Variants in WDR6 observed in about 807,000 individuals in gnomAD.
WDR6 encodes the protein WD repeat domain 6, also known as tRNA (34-2'-O)-methyltransferase regulator WDR6.
Under a neutral mutation model 85.6 loss-of-function variants are expected in WDR6, and 58 were observed. The observed-to-expected ratio is 0.68, with a 90% CI of 0.55 to 0.84. The LOEUF is 0.84. WDR6 is among the 40% of genes least tolerant of loss of function. The pLI is 0.00. For missense variants in WDR6, 1,310 were observed against 1,476.4 expected (o/e 0.89, Z 1.85); for synonymous variants, 569 against 582.2 (o/e 0.98, Z 0.33).
Position 49,012,039 on chromosome 3 carries a change from G to A in WDR6, c.505G>A (p.Ala169Thr), listed in dbSNP as rs767447146. 2.5e-6 allele frequency: 4 copies of A among 1,614,020 alleles called. No homozygotes were observed. The highest frequency in any genetic ancestry group is 2.2e-5 in the East Asian group (1 of 44,886). The change falls in exon 2 of 6, where the codon GCC (alanine) becomes ACC (threonine). Residue 169 changes from alanine (A) to threonine (T), a missense_variant. Physicochemically the swap from Ala to Thr is moderately conservative, Grantham distance 58. Coordinates refer to ENST00000608424, the MANE Select transcript of WDR6 (RefSeq NM_018031.6). This position sits in a 1 kb window ranked among gnomAD's most constrained non-coding sequence, Gnocchi z 4.4. ...CTCTTCAGCCTGCCTGATTGGAGAC[G>A]CCTGGAAGGAGCTGACCATAGTGGC... Reference protein sequence around the residue: ...TLSSACLIGDAWKELTIVAGA... With the variant: ...TLSSACLIGDTWKELTIVAGA...
Position 49,014,481 on chromosome 3 carries a change from A to G in WDR6, c.2765A>G (p.Glu922Gly). 6.2e-7 allele frequency: 1 copy of G among 1,614,030 alleles called. No homozygotes were observed. The highest frequency in any genetic ancestry group is 8.5e-7 in the Non-Finnish European group (1 of 1,179,994). Residue 922 changes from glutamate to glycine, a missense_variant, in exon 4 of 6, where the codon GAG becomes GGG. Glu to Gly is a moderately conservative substitution (Grantham distance 98). Coordinates refer to ENST00000608424, the MANE Select transcript of WDR6 (RefSeq NM_018031.6). This position sits in a 1 kb window ranked among gnomAD's most constrained non-coding sequence, Gnocchi z 4.9. ...CVLKVHSFTHEAPNQRRRLLL... is the reference protein window; with the variant it reads ...CVLKVHSFTHGAPNQRRRLLL... The stretch of plus-strand genomic sequence containing the variant: ...CTCAAGGTCCACTCCTTTACACACG[A>G]GGCACCCAACCAGAGGCGGTGAGAG...
intron 1 of WDR6, among the ~76,000 whole-genome samples, chr3:49,008,549 G>C (rs1413265871): frequency 6.6e-6 from 1 of 152,154 alleles, no homozygotes; most frequent in Non-Finnish European, 1.5e-5. Context: ...ACTAGGAAAA[G>C]GGGTGAGTTC....
rs1421355721 is a variant in WDR6 at position 49,012,389 on chromosome 3, T to C, written c.855T>C (p.His285=). 2 of 1,614,084 alleles carry C rather than the reference T, an allele frequency of 1.2e-6. No homozygotes were observed. The change falls in exon 2 of 6, where the codon CAT becomes CAC. Residue 285 remains histidine, a synonymous_variant. Coordinates refer to ENST00000608424, the MANE Select transcript of WDR6 (RefSeq NM_018031.6). This position sits in a 1 kb window ranked among gnomAD's most constrained non-coding sequence, Gnocchi z 4.4. ...GEDCVCLVWS[H]EGEILQAFRG... is the part of the protein sequence containing the mutation. ...ATTGTGTCTGCTTGGTGTGGAGCCA[T>C]GAAGGTGAGATCCTCCAGGCCTTTC...
chr3:49,012,144 C>T lies in WDR6; in HGVS notation c.610C>T (p.Arg204Ter), dbSNP rs541171729. 1.2e-6 allele frequency: 2 copies of T among 1,614,164 alleles called. No individual in the cohort carries two copies. The highest frequency in any genetic ancestry group is 1.7e-5 in the Admixed American group (1 of 60,024). ...CAACAAACCTGTAGCACCTGACCGA[C>T]GAATCAGTGGGCATGTGGGCATCAT... The part of the protein sequence containing the change: ...ADNKPVAPDR[R>*]ISGHVGIIFS... Residue 204 changes from arginine to a stop codon, truncating the protein, a stop_gained, in exon 2 of 6, where the codon CGA (arginine) becomes TGA (stop). Coordinates refer to ENST00000608424, the MANE Select transcript of WDR6 (RefSeq NM_018031.6). LOFTEE classifies it high-confidence loss of function. The surrounding 1 kb of genome is among the most constrained non-coding windows in gnomAD (Gnocchi z 4.4).
In WDR6 at chr3:49,011,972, G is replaced by C. The variant is rs1025693168; in HGVS notation, c.438G>C (p.Gly146=). 6.2e-7 allele frequency: 1 copy of C among 1,614,204 alleles called. No individual in the cohort carries two copies. Among genetic ancestry groups the C allele is most frequent in the Admixed American group, 1.7e-5 (1 of 60,030 alleles). The change falls in exon 2 of 6, where the codon GGG becomes GGC. Residue 146 remains glycine, a synonymous_variant. Coordinates refer to ENST00000608424, the MANE Select transcript of WDR6 (RefSeq NM_018031.6). ...TGGTGCTATATGACCCTGTAGTAGG[G>C]TGCATCCTGCAAGAGGTGCCCTGCA... ...NSVVLYDPVV[G]CILQEVPCTD... is the part of the protein sequence containing the mutation.
In WDR6 at chr3:49,013,746, G is replaced by T. The variant is rs754344808; in HGVS notation, c.2212G>T (p.Asp738Tyr). The stretch of plus-strand genomic sequence containing the variant: ...CCTGGAGCCTGGCAGTGAGGGGCCC[G>T]ACTTGACTGACATTGTGATCACATG... ...DDLEPGSEGPDLTDIVITCSE... is the reference protein window; with the variant it reads ...DDLEPGSEGPYLTDIVITCSE... Residue 738 changes from aspartate (D) to tyrosine (Y), a missense_variant, in exon 2 of 6, where the codon GAC (aspartate) becomes TAC (tyrosine). Transcript: ENST00000608424. The surrounding 1 kb of genome is among the most constrained non-coding windows in gnomAD (Gnocchi z 4.6). 6 of 1,614,070 alleles carry T rather than the reference G, an allele frequency of 3.7e-6. No homozygotes were observed. In the South Asian group the frequency reaches 5.5e-5, roughly 15 times the overall value.
In WDR6 at chr3:49,007,788, A is replaced by G. The variant is rs1281761349; in HGVS notation, c.100+257A>G. The G allele has an allele frequency of 2.0e-6, 2 of 994,544 alleles. No individual in the cohort carries two copies. Among genetic ancestry groups the G allele is most frequent in the African/African-American group, 1.7e-5 (1 of 59,880 alleles). The allele number at this position is 994,544 out of a possible 1,614,324, so 61.6% of individuals were successfully genotyped here. On this transcript the variant is annotated intron_variant, in intron 1 of 5. Coordinates refer to ENST00000608424, the MANE Select transcript of WDR6 (RefSeq NM_018031.6). This position sits in a 1 kb window ranked among gnomAD's most constrained non-coding sequence, Gnocchi z 5.1. ...AGCCCGCGTGGAAAGGGCGGGTGGA[A>G]CCGCGGGAGGGTGCAGGGGAACGCG...
rs1575278840 is a variant in WDR6, at chr3:49,014,146, A to G, written c.2582+30A>G. The G allele has an allele frequency of 6.2e-6, 10 of 1,613,902 alleles. No individual in the cohort carries two copies. In the East Asian group the frequency reaches 2.0e-4, roughly 32 times the overall value. ...TATATGCTCCTGGGCAGGGTGTGGT[A>G]TGGGTCATGCAGATGCTCCCAGGCT... On this transcript the variant is annotated intron_variant, in intron 2 of 5. Coordinates refer to ENST00000608424, the MANE Select transcript of WDR6 (RefSeq NM_018031.6). The surrounding 1 kb of genome is among the most constrained non-coding windows in gnomAD (Gnocchi z 4.9).
Position 49,015,378 on chromosome 3 carries a change from T to C in WDR6, c.*90T>C. 2 of 1,497,958 alleles carry C rather than the reference T, an allele frequency of 1.3e-6. No homozygotes were observed. Among genetic ancestry groups the C allele is most frequent in the Non-Finnish European group, 1.8e-6 (2 of 1,105,674 alleles). The allele number at this position is 1,497,958 out of a possible 1,614,324, so 92.8% of individuals were successfully genotyped here. A position where few individuals can be genotyped will look rare whatever the true frequency, so the allele number is the denominator to read the frequency against. On this transcript the variant is annotated 3_prime_UTR_variant, in exon 6 of 6. Transcript: ENST00000608424. Reference sequence around the variant, plus strand: ...GGGCTGTCTGTGCCCATGCTCAGCATGCCTTGAGGGGAGGAGGTGGTGGCC... The same window carrying C: ...GGGCTGTCTGTGCCCATGCTCAGCACGCCTTGAGGGGAGGAGGTGGTGGCC...
In WDR6 at chr3:49,013,256, A is replaced by G; in HGVS notation, c.1722A>G (p.Ser574=). The G allele has an allele frequency of 6.2e-7, 1 of 1,614,104 alleles. No homozygotes were observed. The highest frequency in any genetic ancestry group is 8.5e-7 in the Non-Finnish European group (1 of 1,180,016). The change falls in exon 2 of 6, where the codon TCA becomes TCG. Residue 574 remains serine, a synonymous_variant. Transcript: ENST00000608424. The surrounding 1 kb of genome is among the most constrained non-coding windows in gnomAD (Gnocchi z 4.6). ...PSLHGKQGVT[S]VTCHGGYVYT... ...TGCACGGGAAGCAGGGTGTGACCTC[A>G]GTCACATGCCATGGTGGCTATGTGT...
At chr3:49,010,865 A>C (rs1447225292) in intron 1 of WDR6, among the ~76,000 whole-genome samples, 1 of 150,536 alleles carries the variant, frequency 6.6e-6, no homozygotes, top group Non-Finnish European at 1.5e-5. Context: ...AAAAAAAAAA[A>C]AACTAGCCAG....
rs1307379097 is a variant in WDR6 at position 49,013,205 on chromosome 3, G to A, written c.1671G>A (p.Leu557=). 3 of 1,613,714 alleles carry A rather than the reference G, an allele frequency of 1.9e-6. No individual in the cohort carries two copies. The South Asian group carries it at 3.3e-5, about 18-fold the overall frequency. Residue 557 remains leucine (L), a synonymous_variant, in exon 2 of 6, where the codon TTG becomes TTA. Transcript: ENST00000608424. This position sits in a 1 kb window ranked among gnomAD's most constrained non-coding sequence, Gnocchi z 4.6. ...SSGGGNAFTG[L]GPVSTLPSLH... ...GGGGTGGGAATGCTTTCACTGGGTT[G>A]GGCCCAGTGTCTACCCTGCCCTCTC... is the stretch of plus-strand genomic sequence containing the variant.
rs2092990280 is a variant in WDR6 at position 49,007,590 on chromosome 3, G to A, written c.100+59G>A. 2.0e-6 allele frequency: 3 copies of A among 1,530,230 alleles called. No homozygotes were observed. The highest frequency in any genetic ancestry group is 2.7e-6 in the Non-Finnish European group (3 of 1,131,828). The allele number at this position is 1,530,230 out of a possible 1,614,324, so 94.8% of individuals were successfully genotyped here. A position where few individuals can be genotyped will look rare whatever the true frequency, so the allele number is the denominator to read the frequency against. On this transcript the variant is annotated intron_variant, in intron 1 of 5. Coordinates refer to ENST00000608424, the MANE Select transcript of WDR6 (RefSeq NM_018031.6). This position sits in a 1 kb window ranked among gnomAD's most constrained non-coding sequence, Gnocchi z 5.1. Reference sequence around the variant, plus strand: ...GGGGGAAAGAAACAGCGCCTCCCAGGGGCGGTGCCACAGGGACAAAAGGGG... The same window carrying A: ...GGGGGAAAGAAACAGCGCCTCCCAGAGGCGGTGCCACAGGGACAAAAGGGG...
chr3:49,007,422 GA>G lies in WDR6; in HGVS notation c.-9del. On this transcript the variant is annotated 5_prime_UTR_variant, in exon 1 of 6. Coordinates refer to ENST00000608424, the MANE Select transcript of WDR6 (RefSeq NM_018031.6). The surrounding 1 kb of genome is among the most constrained non-coding windows in gnomAD (Gnocchi z 5.1). ...TTAGCCGTGGCTGCCTCAGCACCTC[GA>G]GGATCGACATGGACGCTCTCGAGGA... The G allele has an allele frequency of 6.2e-7, 1 of 1,608,714 alleles. No homozygotes were observed. Among genetic ancestry groups the G allele is most frequent in the Non-Finnish European group, 8.5e-7 (1 of 1,178,006 alleles).
At chr3:49,009,893 C>A (rs1385846214) in intron 1 of WDR6, among the ~76,000 whole-genome samples, 2 of 151,860 alleles carry the variant, frequency 1.3e-5, no homozygotes, top group Non-Finnish European at 2.9e-5. Context: ...ATGCCCAGCT[C>A]ATTTGTATAA....
chr3:49,012,889 T>A lies in WDR6; in HGVS notation c.1355T>A (p.Leu452Gln). 6.2e-7 allele frequency: 1 copy of A among 1,613,822 alleles called. No individual in the cohort carries two copies. Among genetic ancestry groups the A allele is most frequent in the Non-Finnish European group, 8.5e-7 (1 of 1,179,902 alleles). Residue 452 changes from leucine to glutamine, a missense_variant, in exon 2 of 6, where the codon CTG becomes CAG. Leu to Gln is a moderately radical substitution (Grantham distance 113). Coordinates refer to ENST00000608424, the MANE Select transcript of WDR6 (RefSeq NM_018031.6). This position sits in a 1 kb window ranked among gnomAD's most constrained non-coding sequence, Gnocchi z 4.4. ...GCCCTGCGTGGTTATGAGGAGCTCC[T>A]GTTGCTGGCATCGGGCCCTGGCGGG... ...SWALRGYEEL[L>Q]LLASGPGGVV... is the part of the protein sequence containing the mutation.
At position 49,011,768 on chromosome 3, in the gene WDR6, T is replaced by A. The variant is rs754284531; in HGVS notation, c.234T>A (p.Leu78=). ...TACGGCCAGAGCCTAATGGAGACCTTGACTTGGAGGCCATGGTGGCTGTGT... is the reference window on the plus strand; with the variant it reads ...TACGGCCAGAGCCTAATGGAGACCTAGACTTGGAGGCCATGGTGGCTGTGT... ...FRVRPEPNGD[L]DLEAMVAVFG... is the part of the protein sequence containing the mutation. The change falls in exon 2 of 6, where the codon CTT becomes CTA. Residue 78 remains leucine, a synonymous_variant. Transcript: ENST00000608424. The A allele has an allele frequency of 1.9e-6, 3 of 1,614,230 alleles. No individual in the cohort carries two copies. The South Asian group carries it at 3.3e-5, about 18-fold the overall frequency.
rs186515100 is a variant in WDR6 at position 49,009,881 on chromosome 3, T to G, written c.101-1754T>G. ...TAGCTGGGACTACAGGCATGCGCCA[T>G]TATGCCCAGCTCATTTGTATAATTT... is the stretch of plus-strand genomic sequence containing the variant. On this transcript the variant is annotated intron_variant, in intron 1 of 5. Transcript: ENST00000608424. Among the ~76,000 whole-genome samples, 28 of 152,028 alleles carry G rather than the reference T, an allele frequency of 1.8e-4. 1 individual carries two copies. The highest frequency in any genetic ancestry group is 3.5e-4 in the Non-Finnish European group (24 of 67,954).
rs759113259 is a variant in WDR6, at chr3:49,014,289, G to A, written c.2662G>A (p.Val888Ile). The A allele has an allele frequency of 2.3e-5, 37 of 1,614,040 alleles. No homozygotes were observed. The highest frequency in any genetic ancestry group is 1.6e-4 in the Middle Eastern group (1 of 6,084). ...LVAAACSDGA[V>I]RLFLLQDSGR... ...GGCTGCAGCCTGTAGTGATGGGGCC[G>A]TAAGGTGAGAGCATAGGGCCCAGTG... Residue 888 changes from valine (V) to isoleucine (I), a missense_variant, in exon 3 of 6, where the codon GTA becomes ATA. Val to Ile is a conservative substitution (Grantham distance 29). Coordinates refer to ENST00000608424, the MANE Select transcript of WDR6 (RefSeq NM_018031.6). The surrounding 1 kb of genome is among the most constrained non-coding windows in gnomAD (Gnocchi z 4.9).
Sources: gnomAD v4.1 joint callset for allele counts (sites outside exome capture counted in the v4.1 genomes callset) on GRCh38, gnomAD v4.1.1 for gene constraint, Gnocchi (gnomAD v3.1) non-coding constraint, MANE v1.5 for transcripts, NCBI Gene and HGNC (gene_info 2026-07-23, HGNC 2026-07-21) for gene names.